The following PTPN13 variants were observed in gnomAD, a reference collection of about 807,000 sequenced individuals.
The protein encoded by PTPN13 is protein tyrosine phosphatase non-receptor type 13.
Under a neutral mutation model 284.0 loss-of-function variants are expected in PTPN13, and 191 were observed. The observed-to-expected ratio is 0.67, with a 90% CI of 0.60 to 0.76. The LOEUF is 0.76. Among genes scored for constraint, PTPN13 ranks in the 30% least tolerant of loss-of-function variants. The pLI, the probability that PTPN13 is intolerant of heterozygous loss-of-function variation, is 0.00. For missense variants in PTPN13, 2,797 were observed against 2,939.9 expected (o/e 0.95, Z 1.12); for synonymous variants, 986 against 1,022.3 (o/e 0.96, Z 0.68).
At chr4:86,665,888 T>C (rs1221861186) in intron 2 of PTPN13, among the ~76,000 whole-genome samples, 20 of 152,176 alleles carry the variant, frequency 1.3e-4, no homozygotes, top group Non-Finnish European at 1.5e-5. Context: ...TTCTTAGACA[T>C]GTAGTCTACA....
In PTPN13 at chr4:86,621,093, G is replaced by A. The variant is rs116397249; in HGVS notation, c.-5-14159G>A. 7.9e-4 allele frequency among the ~76,000 whole-genome samples: 120 copies of A among 152,198 alleles called. 1 individual carries two copies. Among genetic ancestry groups the A allele is most frequent in the African/African-American group, 2.7e-3 (113 of 41,542 alleles). On this transcript the variant is annotated intron_variant, in intron 1 of 47. Transcript: ENST00000411767. Reference sequence around the variant, plus strand: ...ATCTTGTGCTTCCAGTTTCTCACTCGTTTAATGAATTCTGTACACTTAGAA... The same window carrying A: ...ATCTTGTGCTTCCAGTTTCTCACTCATTTAATGAATTCTGTACACTTAGAA...
At chr4:86,634,103 C>T (rs1431045193) in intron 1 of PTPN13, among the ~76,000 whole-genome samples, 2 of 152,066 alleles carry the variant, frequency 1.3e-5, no homozygotes, top group East Asian at 3.9e-4. Context: ...GATTAAGTAC[C>T]ATAAATGTAA....
At chr4:86,723,013 T>C (rs1733843346) in intron 10 of PTPN13, among the ~76,000 whole-genome samples, 1 of 152,222 alleles carries the variant, frequency 6.6e-6, no homozygotes, top group African/African-American at 2.4e-5. Flanking sequence ...TCTGTTCTTC[T>C]AGTTGATGTA....
chr4:86,673,447 T>C (rs1727935626), intron 3 of PTPN13, among the ~76,000 whole-genome samples: 1 of 152,050 alleles, frequency 6.6e-6, no homozygotes, highest in Admixed American at 6.5e-5. Flanking sequence ...CCACTGTGAT[T>C]GGGGAATGGT....
intron 3 of PTPN13, among the ~76,000 whole-genome samples, chr4:86,673,053 G>A (rs1431623712): frequency 1.3e-5 from 2 of 152,124 alleles, no homozygotes; most frequent in African/African-American, 4.8e-5. Flanking sequence ...AATAGGATTC[G>A]CATTCCTATG....
At chr4:86,776,065 C>T (rs898020158) in intron 35 of PTPN13, among the ~76,000 whole-genome samples, 1 of 152,218 alleles carries the variant, frequency 6.6e-6, no homozygotes. Context: ...CCTGCCTCAG[C>T]CTCCCAGGTA....
chr4:86,728,127 G>A (rs1470548706), intron 10 of PTPN13, among the ~76,000 whole-genome samples: 1 of 149,676 alleles, frequency 6.7e-6, no homozygotes, highest in Non-Finnish European at 1.5e-5. Flanking sequence ...GTGCAGTTTT[G>A]AGTAAGTTTC....
chr4:86,772,940 C>G lies in PTPN13; in HGVS notation c.5331C>G (p.His1777Gln). 8 of 1,598,366 alleles carry G rather than the reference C, an allele frequency of 5.0e-6. No individual in the cohort carries two copies. Among genetic ancestry groups the G allele is most frequent in the Non-Finnish European group, 6.0e-6 (7 of 1,173,110 alleles). ...WTPLKNDLENHLEDFELEVEL... is the reference protein window; with the variant it reads ...WTPLKNDLENQLEDFELEVEL... ...CTTTGAAAAATGACTTGGAAAATCA[C>G]CTTGAAGACTTTGAACTGGTAAGTT... is the stretch of plus-strand genomic sequence containing the variant. The change falls in exon 32 of 48, where the codon CAC becomes CAG. Residue 1777 changes from histidine (H) to glutamine (Q), a missense_variant. His to Gln is a conservative substitution (Grantham distance 24). Coordinates refer to ENST00000411767, the MANE Select transcript of PTPN13 (RefSeq NM_080683.3).
intron 1 of PTPN13, among the ~76,000 whole-genome samples, chr4:86,598,208 G>T (rs1763994325): frequency 6.7e-6 from 1 of 149,726 alleles, no homozygotes; most frequent in Non-Finnish European, 1.5e-5. Context: ...GCACAATCTT[G>T]TCTCACTGCA....
rs1565566305 is a variant in PTPN13, at chr4:86,782,201, G to T, written c.5963G>T (p.Gly1988Val). 6.2e-7 allele frequency: 1 copy of T among 1,600,300 alleles called. No individual in the cohort carries two copies. Among genetic ancestry groups the T allele is most frequent in the Non-Finnish European group, 8.6e-7 (1 of 1,167,866 alleles). ...CTTACTTCCTATATTGTCCTTTCAG[G>T]TTCCTACAGTGTGGGGTCTTGCAGC... ...VSAPKSTKGN[G>V]SYSVGSCSQP... The change falls in exon 37 of 48, where the codon GGT becomes GTT. Residue 1988 changes from glycine (G) to valine (V), a missense_variant and splice_region_variant. Transcript: ENST00000411767.
chr4:86,754,172 GT>G (rs1737720197), intron 20 of PTPN13, among the ~76,000 whole-genome samples: 1 of 151,960 alleles, frequency 6.6e-6, no homozygotes, highest in Non-Finnish European at 1.5e-5. Context: ...TCAAGATGAG[GT>G]TTCTTTCCTT....
chr4:86,760,417 C>T (rs1738540952), intron 23 of PTPN13, among the ~76,000 whole-genome samples: 2 of 152,206 alleles, frequency 1.3e-5, no homozygotes, highest in East Asian at 1.9e-4. Context: ...AAATTTATTG[C>T]CCCCTGAATA....
At chr4:86,716,654 T>C in intron 8 of PTPN13, 29 bp downstream of exon 8, 1 of 1,382,070 alleles carries the variant, frequency 7.2e-7, no homozygotes, top group Non-Finnish European at 9.9e-7. Flanking sequence ...AAGCAAACTG[T>C]TTTTAAGAAA....
chr4:86,746,991 A>G (rs1264942720), intron 17 of PTPN13, among the ~76,000 whole-genome samples: 1 of 152,238 alleles, frequency 6.6e-6, no homozygotes, highest in Non-Finnish European at 1.5e-5. Context: ...ATATGCTCAT[A>G]TATTTTCAAA....
At chr4:86,770,601 A>G (rs994100250) in intron 30 of PTPN13, among the ~76,000 whole-genome samples, 1 of 152,210 alleles carries the variant, frequency 6.6e-6, no homozygotes, top group Non-Finnish European at 1.5e-5. Flanking sequence ...TTGAGGCACC[A>G]GATAGGAAAA....
chr4:86,709,991 G>A (rs770595231), intron 7 of PTPN13, among the ~76,000 whole-genome samples: 21 of 152,074 alleles, frequency 1.4e-4, no homozygotes, highest in Non-Finnish European at 2.8e-4. Flanking sequence ...GCTCTCAAGG[G>A]ATTTTAGAAC....
intron 35 of PTPN13, among the ~76,000 whole-genome samples, chr4:86,779,383 C>G (rs569270211): frequency 3.4e-4 from 51 of 150,686 alleles, no homozygotes; most frequent in Non-Finnish European, 6.9e-4. Context: ...CGCCACTGCA[C>G]TCCAGCCTGG....
rs540408970 is a variant in PTPN13 at position 86,759,008 on chromosome 4, T to G, written c.3488T>G (p.Ile1163Ser). 15 of 1,613,708 alleles carry G rather than the reference T, an allele frequency of 9.3e-6. No homozygotes were observed. In the South Asian group the frequency reaches 1.5e-4, roughly 17 times the overall value. Reference protein sequence around the residue: ...EGVSHHAAIEILQNAPEDVTL... With the variant: ...EGVSHHAAIESLQNAPEDVTL... The stretch of plus-strand genomic sequence containing the variant: ...GTCAGCCACCATGCTGCAATTGAAA[T>G]TTTGCAAAATGCACCTGAAGATGTG... Residue 1163 changes from isoleucine to serine, a missense_variant, in exon 23 of 48, where the codon ATT becomes AGT. By Grantham distance (142) the Ile-to-Ser change is moderately radical (BLOSUM62 -2). Coordinates refer to ENST00000411767, the MANE Select transcript of PTPN13 (RefSeq NM_080683.3).
At position 86,701,620 on chromosome 4, in the gene PTPN13, A is replaced by G. The variant is rs1731172548; in HGVS notation, c.1014A>G (p.Arg338=). 1.2e-6 allele frequency: 2 copies of G among 1,613,924 alleles called. No individual in the cohort carries two copies. Among genetic ancestry groups the G allele is most frequent in the Admixed American group, 1.7e-5 (1 of 60,020 alleles). ...CAGTGCGGACTTCAACTACTCCTAG[A>G]AAAAAGGAGGCAAGATACTCAGATG... ...AVTVRTSTTP[R]KKEARYSDGS... Residue 338 remains arginine, a synonymous_variant, in exon 7 of 48, where the codon AGA becomes AGG. Coordinates refer to ENST00000411767, the MANE Select transcript of PTPN13 (RefSeq NM_080683.3).
Sources: gnomAD v4.1 joint callset for allele counts (sites outside exome capture counted in the v4.1 genomes callset) on GRCh38, gnomAD v4.1.1 for gene constraint, MANE v1.5 for transcripts, NCBI Gene and HGNC (gene_info 2026-07-23, HGNC 2026-07-21) for gene names.